Variants in RNF213 observed in about 807,000 individuals in gnomAD.
RNF213 encodes the protein ring finger protein 213.
RNF213 carries 341 observed loss-of-function variants against 514.4 expected under a neutral mutation model. The ratio of observed to expected loss-of-function variants is 0.66; its 90% CI spans 0.61 to 0.73. The LOEUF (loss-of-function observed/expected upper bound fraction) is 0.73, where lower values mean the gene tolerates loss of function less well. Ranked by LOEUF, RNF213 falls within the 30% of genes least tolerant of loss-of-function variation. RNF213 has a pLI of 0.00. For missense variants in RNF213, 5,767 were observed against 6,615.6 expected (o/e 0.87, Z 4.45); for synonymous variants, 2,655 against 2,658.2 (o/e 1.00, Z 0.04).
At chr17:80,265,046 T>G (rs144268610) in intron 2 of RNF213, among the ~76,000 whole-genome samples, 13 of 77,328 alleles carry the variant, frequency 1.7e-4, no homozygotes, top group Non-Finnish European at 2.0e-4. Flanking sequence ...GTTTGTTTGT[T>G]TTTTTTTTTT....
rs371383693 is a variant in RNF213, at chr17:80,370,315, G to T, written c.12425+448G>T. Among the ~76,000 whole-genome samples the T allele has an allele frequency of 7.9e-5, 12 of 152,328 alleles. No homozygotes were observed. The South Asian group carries it at 2.5e-3, about 32-fold the overall frequency. ...GAAAGGATGTTGACATCCAAGAATA[G>T]TATCACCTGTGGTACTTGTATGGAT... On this transcript the variant is annotated intron_variant, in intron 46 of 67. Coordinates refer to ENST00000582970, the MANE Select transcript of RNF213 (RefSeq NM_001256071.3).
intron 2 of RNF213, among the ~76,000 whole-genome samples, chr17:80,272,638 G>A (rs1191117508): frequency 3.3e-5 from 5 of 152,306 alleles, no homozygotes; most frequent in African/African-American, 7.2e-5. Flanking sequence ...GGCATACTGG[G>A]GATCAACATG....
rs11340394 is a variant in RNF213 at position 80,335,976 on chromosome 17, C to CAAA, written c.4310-170_4310-168dup. ...TGGGTGACAGAGTGAGACTCTGTCT[C>CAAA]AAAAAAAAAAAAAAAAACTACAAAA... is the stretch of plus-strand genomic sequence containing the variant. On this transcript the variant is annotated intron_variant, in intron 22 of 67. Transcript: ENST00000582970. 5.6e-3 allele frequency among the ~76,000 whole-genome samples: 660 copies of CAAA among 118,408 alleles called. 4 individuals are homozygous for CAAA. The highest frequency in any genetic ancestry group is 9.7e-3 in the Non-Finnish European group (547 of 56,650). The allele number at this position is 118,408 out of a possible 152,430, so 77.7% of individuals were successfully genotyped here.
rs1568175612 is a variant in RNF213 at position 80,390,155 on chromosome 17, C to A, written c.15429C>A (p.Asn5143Lys). The A allele has an allele frequency of 1.9e-6, 3 of 1,614,176 alleles. No individual in the cohort carries two copies. Among genetic ancestry groups the A allele is most frequent in the Non-Finnish European group, 1.7e-6 (2 of 1,180,044 alleles). ...AAATGATAATCTTGAAACTAAAGAA[C>A]CCCCAAACCCAAACCGAGGAGCGCT... is the stretch of plus-strand genomic sequence containing the variant. ...LHEMIILKLK[N>K]PQTQTEERFR... Residue 5143 changes from asparagine to lysine, a missense_variant, in exon 67 of 68, where the codon AAC (asparagine) becomes AAA (lysine). Transcript: ENST00000582970.
chr17:80,344,961 AC>A lies in RNF213; in HGVS notation c.6629del (p.Pro2210HisfsTer13). 6.2e-7 allele frequency: 1 copy of A among 1,614,114 alleles called. No homozygotes were observed. The highest frequency in any genetic ancestry group is 8.5e-7 in the Non-Finnish European group (1 of 1,180,014). ...TTCCTGTTTCACTGCGGGGTAATAAACCCATCCTGGTCAGAGCTTCGGAACT... is the reference window on the plus strand; with the variant it reads ...TTCCTGTTTCACTGCGGGGTAATAAACCATCCTGGTCAGAGCTTCGGAACT... Reference protein sequence around the residue: ...QHFLFHCGVINPSWSELRNFA... With the variant: ...QHFLFHCGVIXPSWSELRNFA... On this transcript the variant is annotated frameshift_variant, in exon 29 of 68. Coordinates refer to ENST00000582970, the MANE Select transcript of RNF213 (RefSeq NM_001256071.3). LOFTEE classifies it high-confidence loss of function.
At chr17:80,371,786 C>T (rs1173962966) in intron 46 of RNF213, 88 bp from the exon 47 acceptor site, 1 of 730,120 alleles carries the variant, frequency 1.4e-6, no homozygotes, top group Non-Finnish European at 2.5e-6. Context: ...ACACACAGGA[C>T]AGACGACCGA....
intron 5 of RNF213, 63 bp from the exon 6 acceptor site, chr17:80,289,596 A>C: frequency 6.6e-7 from 1 of 1,524,446 alleles, no homozygotes; most frequent in Non-Finnish European, 9.0e-7. Context: ...GTCTCAGAAA[A>C]AAAAAAAAAA....
chr17:80,381,923 T>G (rs2080023727), intron 57 of RNF213, 196 bp downstream of exon 57: 2 of 623,412 alleles, frequency 3.2e-6, no homozygotes, highest in Non-Finnish European at 5.7e-6. Flanking sequence ...AAGGAAGCAC[T>G]CTGCTTGCCC....
intron 36 of RNF213, among the ~76,000 whole-genome samples, chr17:80,355,563 AG>A (rs2078746628): frequency 4.0e-5 from 2 of 49,886 alleles, no homozygotes; most frequent in Non-Finnish European, 4.3e-5. Context: ...GGGCTTATGG[AG>A]GAAGAAGCGG....
intron 56 of RNF213, chr17:80,381,303 C>T (rs774895035): frequency 1.7e-6 from 1 of 602,380 alleles, no homozygotes; most frequent in Non-Finnish European, 3.0e-6. Flanking sequence ...AGAAAGAGCA[C>T]ACTGCATAAC....
chr17:80,305,736 T>C (rs2045335549), intron 11 of RNF213, among the ~76,000 whole-genome samples: 1 of 151,722 alleles, frequency 6.6e-6, no homozygotes, highest in Non-Finnish European at 1.5e-5. Context: ...CTCAGCCTCC[T>C]GAGTAGCTGG....
At chr17:80,359,646 AAAG>A (rs2078980555) in intron 37 of RNF213, among the ~76,000 whole-genome samples, 1 of 152,150 alleles carries the variant, frequency 6.6e-6, no homozygotes, top group Non-Finnish European at 1.5e-5. Flanking sequence ...TGAGAGAAAG[AAAG>A]AAATGGAATT....
rs1391214689 is a variant in RNF213, at chr17:80,394,340, C to G, written c.*842C>G. 2 of 152,242 alleles carry G rather than the reference C, an allele frequency of 1.3e-5. No individual in the cohort carries two copies. The highest frequency in any genetic ancestry group is 4.8e-5 in the African/African-American group (2 of 41,464). The allele number at this position is 152,242 out of a possible 1,614,324, so 9.4% of individuals were successfully genotyped here. On this transcript the variant is annotated 3_prime_UTR_variant, in exon 68 of 68. Coordinates refer to ENST00000582970, the MANE Select transcript of RNF213 (RefSeq NM_001256071.3). ...TTTTTCTAGCATTATGCCAAATAAACATGCAGTCTCAGTGTGCTCTCGCAT... is the reference window on the plus strand; with the variant it reads ...TTTTTCTAGCATTATGCCAAATAAAGATGCAGTCTCAGTGTGCTCTCGCAT...
At chr17:80,312,620 C>G (rs995311851) in intron 14 of RNF213, among the ~76,000 whole-genome samples, 4 of 152,166 alleles carry the variant, frequency 2.6e-5, no homozygotes, top group East Asian at 1.9e-4. Flanking sequence ...GGGTCAGGAG[C>G]CTGGCTGTCT....
In RNF213 at chr17:80,289,131, G is replaced by A. The variant is rs1193143065; in HGVS notation, c.933+376G>A. Among the ~76,000 whole-genome samples, 9 of 152,198 alleles carry A rather than the reference G, an allele frequency of 5.9e-5. No homozygotes were observed. The East Asian group carries it at 9.6e-4, about 16-fold the overall frequency. ...GGCCTGTTCCCAGAGCGGCAGGGACGCCAGTGCCCCCAGGAGGAGTTGGGG... is the reference window on the plus strand; with the variant it reads ...GGCCTGTTCCCAGAGCGGCAGGGACACCAGTGCCCCCAGGAGGAGTTGGGG... On this transcript the variant is annotated intron_variant, in intron 5 of 67. Transcript: ENST00000582970.
intron 20 of RNF213, among the ~76,000 whole-genome samples, chr17:80,330,075 C>T (rs564073816): frequency 5.8e-4 from 88 of 152,128 alleles, no homozygotes; most frequent in Non-Finnish European, 1.2e-3. Flanking sequence ...CAGAACCAAA[C>T]TTTCTGCTTA....
Position 80,291,402 on chromosome 17 carries a change from G to T in RNF213, c.1272-226G>T, listed in dbSNP as rs148194596. ...AGACAGAGTCTTGCTCTGTCACCCAGGCTGGAGTGCAGTGGTGGGATCACA... is the reference window on the plus strand; with the variant it reads ...AGACAGAGTCTTGCTCTGTCACCCATGCTGGAGTGCAGTGGTGGGATCACA... On this transcript the variant is annotated intron_variant, in intron 7 of 67. Transcript: ENST00000582970. Among the ~76,000 whole-genome samples, 193 of 151,938 alleles carry T rather than the reference G, an allele frequency of 1.3e-3. 8 individuals carry two copies. In the South Asian group the frequency reaches 0.021, roughly 16 times the overall value.
At chr17:80,323,035 T>C (rs2046188067) in intron 17 of RNF213, among the ~76,000 whole-genome samples, 1 of 152,222 alleles carries the variant, frequency 6.6e-6, no homozygotes, top group African/African-American at 2.4e-5. Flanking sequence ...AGGCCTTTGA[T>C]CCATTTTGAG....
At chr17:80,268,609 GTCCATCCATCCA>G (rs143520187) in intron 2 of RNF213, among the ~76,000 whole-genome samples, 3 of 147,312 alleles carry the variant, frequency 2.0e-5, no homozygotes, top group East Asian at 2.0e-4. Flanking sequence ...CCATCTGTTT[GTCCATCCATCCA>G]TCCATCCATC....
Sources: gnomAD v4.1 joint callset for allele counts (sites outside exome capture counted in the v4.1 genomes callset) on GRCh38, gnomAD v4.1.1 for gene constraint, MANE v1.5 for transcripts, NCBI Gene and HGNC (gene_info 2026-07-23, HGNC 2026-07-21) for gene names.